The following KCNU1 variants were observed in gnomAD, a reference collection of about 807,000 sequenced individuals.
The protein encoded by KCNU1 is potassium calcium-activated channel subfamily U member 1, also known as potassium channel subfamily U member 1.
In KCNU1, 93 loss-of-function variants were observed where a neutral mutation model predicts 126.8. The observed-to-expected ratio is 0.73, with a 90% CI of 0.62 to 0.87. The LOEUF is 0.87. Ranked by LOEUF, KCNU1 falls within the 40% of genes least tolerant of loss-of-function variation. KCNU1 has a pLI of 0.00. For missense variants in KCNU1, 1,330 were observed against 1,367.1 expected, an observed-to-expected ratio of 0.97 and a Z score of 0.43; for synonymous variants, 523 against 494.2, an observed-to-expected ratio of 1.06 and a Z score of -0.77.
rs1585560007 is a variant in KCNU1 at position 36,915,875 on chromosome 8, G to A, written c.2522-2948G>A. Reference sequence around the variant, plus strand: ...GCAACATGTGGTATGTAACTGGGGCGAGGACTGTACATAGTTCTATCATGG... The same window carrying A: ...GCAACATGTGGTATGTAACTGGGGCAAGGACTGTACATAGTTCTATCATGG... On this transcript the variant is annotated intron_variant, in intron 22 of 26. Coordinates refer to ENST00000399881, the MANE Select transcript of KCNU1 (RefSeq NM_001031836.3). Among the ~76,000 whole-genome samples the A allele has an allele frequency of 2.0e-5, 3 of 152,000 alleles. No individual in the cohort carries two copies. The South Asian group carries it at 6.2e-4, about 32-fold the overall frequency.
At chr8:36,919,404 T>C (rs961250728) in intron 23 of KCNU1, among the ~76,000 whole-genome samples, 2 of 136,622 alleles carry the variant, frequency 1.5e-5, no homozygotes, top group Non-Finnish European at 3.1e-5. Flanking sequence ...ATCCAAGCCC[T>C]GAGTGATACT....
At chr8:36,885,558 T>TA (rs555782067) in intron 19 of KCNU1, among the ~76,000 whole-genome samples, 61 of 151,112 alleles carry the variant, frequency 4.0e-4, no homozygotes, top group Non-Finnish European at 7.4e-4. Flanking sequence ...TGTCTCAAAT[T>TA]AAAAAAATAA....
At chr8:36,833,709 T>A (rs1417320104) in intron 11 of KCNU1, 50 bp downstream of exon 11, 1 of 1,054,464 alleles carries the variant, frequency 9.5e-7, no homozygotes, top group Non-Finnish European at 1.5e-6. Context: ...GTTGCAACAA[T>A]TAAAATAATA....
At chr8:36,851,377 CTCTCTCTCTA>C (rs773896631) in intron 18 of KCNU1, among the ~76,000 whole-genome samples, 306 of 143,024 alleles carry the variant, frequency 2.1e-3, no homozygotes, top group Non-Finnish European at 3.7e-3. Context: ...CTTCCCTTCT[CTCTCTCTCTA>C]TCTCTCTCTC....
In KCNU1 at chr8:36,896,974, A is replaced by G. The variant is rs1249520818; in HGVS notation, c.2010-8734A>G. Among the ~76,000 whole-genome samples the G allele has an allele frequency of 2.0e-5, 3 of 152,028 alleles. No individual in the cohort carries two copies. In the East Asian group the frequency reaches 5.8e-4, roughly 29 times the overall value. The stretch of plus-strand genomic sequence containing the variant: ...CACAGTACACAATTTTTCATCTTCC[A>G]TTTACTCCACAAGATCAGTAAAGAG... On this transcript the variant is annotated intron_variant, in intron 19 of 26. Coordinates refer to ENST00000399881, the MANE Select transcript of KCNU1 (RefSeq NM_001031836.3).
chr8:36,849,909 T>A (rs1430011615), intron 18 of KCNU1, among the ~76,000 whole-genome samples: 1 of 152,192 alleles, frequency 6.6e-6, no homozygotes, highest in Non-Finnish European at 1.5e-5. Flanking sequence ...CACACCATTG[T>A]CCACGGCAGC....
At chr8:36,926,277 C>T (rs371075192) in intron 24 of KCNU1, among the ~76,000 whole-genome samples, 11 of 152,126 alleles carry the variant, frequency 7.2e-5, no homozygotes, top group East Asian at 3.9e-4. Flanking sequence ...TCCTCGCTGC[C>T]GCAATCAACT....
chr8:36,789,052 C>T (rs1281668666), intron 2 of KCNU1, among the ~76,000 whole-genome samples: 1 of 152,096 alleles, frequency 6.6e-6, no homozygotes, highest in African/African-American at 2.4e-5. Flanking sequence ...AGGAGTAAAG[C>T]TTAGATTAGA....
chr8:36,913,054 T>A (rs1807949866), intron 22 of KCNU1, among the ~76,000 whole-genome samples: 1 of 151,806 alleles, frequency 6.6e-6, no homozygotes, highest in African/African-American at 2.4e-5. Flanking sequence ...CATAAGTCAT[T>A]TAGTTGATGG....
In KCNU1 at chr8:36,922,647, A is replaced by G. The variant is rs375455619; in HGVS notation, c.2736+18A>G. ...TGGCCACGGTAAGAAAAGCTAAGCC[A>G]TGGAGCCCCCAAAACCAAGCCCTCT... On this transcript the variant is annotated intron_variant, in intron 24 of 26. Coordinates refer to ENST00000399881, the MANE Select transcript of KCNU1 (RefSeq NM_001031836.3). 1.2e-6 allele frequency: 2 copies of G among 1,609,350 alleles called. No individual in the cohort carries two copies. The highest frequency in any genetic ancestry group is 1.3e-5 in the African/African-American group (1 of 74,766).
At chr8:36,890,552 T>C (rs894017634) in intron 19 of KCNU1, among the ~76,000 whole-genome samples, 6 of 151,950 alleles carry the variant, frequency 3.9e-5, no homozygotes, top group Admixed American at 1.3e-4. Flanking sequence ...AATGAAATCA[T>C]ATAAAATGCT....
intron 2 of KCNU1, among the ~76,000 whole-genome samples, chr8:36,790,952 G>C (rs1792855042): frequency 7.0e-6 from 1 of 142,054 alleles, no homozygotes; most frequent in Non-Finnish European, 1.5e-5. Flanking sequence ...CCACTCAATA[G>C]AAGACAAAGA....
At chr8:36,888,638 T>C (rs1423947960) in intron 19 of KCNU1, 2 of 534,380 alleles carry the variant, frequency 3.7e-6, no homozygotes, top group Non-Finnish European at 7.7e-6. Flanking sequence ...AAATTCCTCC[T>C]CTGAAAGTAC....
At chr8:36,896,580 G>A (rs144585705) in intron 19 of KCNU1, among the ~76,000 whole-genome samples, 2,745 of 152,100 alleles carry the variant, frequency 0.018, 35 homozygotes, top group Non-Finnish European at 0.028. Flanking sequence ...AATAGAATGC[G>A]ATGATCTTTA....
intron 10 of KCNU1, among the ~76,000 whole-genome samples, chr8:36,820,082 T>C (rs186374670): frequency 1.2e-4 from 19 of 152,234 alleles, no homozygotes; most frequent in African/African-American, 4.1e-4. Context: ...GAAGCAACAG[T>C]CATGTGTATA....
At chr8:36,915,608 G>A (rs1808067069) in intron 22 of KCNU1, among the ~76,000 whole-genome samples, 1 of 152,180 alleles carries the variant, frequency 6.6e-6, no homozygotes, top group South Asian at 2.1e-4. Flanking sequence ...GATCTTGCAA[G>A]CCAGCAAGGA....
At chr8:36,836,546 G>C (rs1375442304) in intron 13 of KCNU1, among the ~76,000 whole-genome samples, 181 bp downstream of exon 13, 1 of 152,174 alleles carries the variant, frequency 6.6e-6, no homozygotes, top group Non-Finnish European at 1.5e-5. Context: ...AGAAGTTTAA[G>C]TCATTTGACC....
chr8:36,817,759 G>C lies in KCNU1; in HGVS notation c.1105G>C (p.Glu369Gln). Residue 369 changes from glutamate to glutamine, a missense_variant and splice_region_variant, in exon 10 of 27, where the codon GAA becomes CAA. Glu to Gln is a conservative substitution (Grantham distance 29, BLOSUM62 2). Transcript: ENST00000399881. ...CAACACTGAAATTGTTTTCCTGGGA[G>C]AGTAAGTATATCTGTATGGCTCATG... ...EINTEIVFLG[E>Q]TPPSLELETI... 6.6e-7 allele frequency: 1 copy of C among 1,515,854 alleles called. No homozygotes were observed. Among genetic ancestry groups the C allele is most frequent in the Non-Finnish European group, 9.2e-7 (1 of 1,090,456 alleles). The allele number at this position is 1,515,854 out of a possible 1,614,324, so 93.9% of individuals were successfully genotyped here. A position where few individuals can be genotyped will look rare whatever the true frequency, so the allele number is the denominator to read the frequency against.
In KCNU1 at chr8:36,906,312, A is replaced by G. The variant is rs74736924; in HGVS notation, c.2106+508A>G. The stretch of plus-strand genomic sequence containing the variant: ...ACATTAGCCACAAATATGCCTCCTA[A>G]ACACTCCGTACAACCGGGGTGAATC... On this transcript the variant is annotated intron_variant, in intron 20 of 26. Coordinates refer to ENST00000399881, the MANE Select transcript of KCNU1 (RefSeq NM_001031836.3). 9.5e-3 allele frequency among the ~76,000 whole-genome samples: 1,447 copies of G among 152,074 alleles called. 15 individuals carry two copies. Among genetic ancestry groups the G allele is most frequent in the African/African-American group, 0.032 (1,333 of 41,484 alleles).
Sources: allele counts gnomAD v4.1 joint callset (sites outside exome capture counted in the v4.1 genomes callset), GRCh38; gene constraint gnomAD v4.1.1; transcripts MANE v1.5; gene names NCBI Gene and HGNC (gene_info 2026-07-23, HGNC 2026-07-21).